Variants in FUT9 observed in about 807,000 individuals in gnomAD.
FUT9 encodes the protein fucosyltransferase 9.
Under a neutral mutation model 29.7 loss-of-function variants are expected in FUT9, and 15 were observed. The observed-to-expected ratio is 0.51, with a 90% CI of 0.34 to 0.78. FUT9 has a LOEUF of 0.78. Among genes scored for constraint, FUT9 ranks in the 30% least tolerant of loss-of-function variants. FUT9 has a pLI of 0.01. For synonymous variants in FUT9, 169 were observed against 153.7 expected, an observed-to-expected ratio of 1.10 and a Z score of -0.74; for missense variants, 319 against 425.4, an observed-to-expected ratio of 0.75 and a Z score of 2.20.
At chr6:96,086,381 C>T (rs546234705) in intron 1 of FUT9, among the ~76,000 whole-genome samples, 2 of 152,104 alleles carry the variant, frequency 1.3e-5, no homozygotes, top group African/African-American at 4.8e-5. Flanking sequence ...AGCTTTACAC[C>T]TAGCAGTTAT....
At chr6:96,102,153 A>G (rs1771596875) in intron 1 of FUT9, among the ~76,000 whole-genome samples, 1 of 152,118 alleles carries the variant, frequency 6.6e-6, no homozygotes, top group African/African-American at 2.4e-5. Flanking sequence ...GGAAGTAGGT[A>G]ACAATGTTAT....
rs1773446690 is a variant in FUT9, at chr6:96,188,632, A to AT, written c.-8-14516_-8-14515insT. Among the ~76,000 whole-genome samples, 4 of 149,024 alleles carry AT rather than the reference A, an allele frequency of 2.7e-5. No homozygotes were observed. The South Asian group carries it at 8.4e-4, about 31-fold the overall frequency. On this transcript the variant is annotated intron_variant, in intron 2 of 2. Coordinates refer to ENST00000302103, the MANE Select transcript of FUT9 (RefSeq NM_006581.4). ...GAACCATGCTTGGCATATAGAAAGA[A>AT]ATATATATATATGTGTGTGTGTGTG...
chr6:96,124,153 C>CTTTT (rs35122970), intron 2 of FUT9, among the ~76,000 whole-genome samples: 14 of 125,034 alleles, frequency 1.1e-4, no homozygotes, highest in Admixed American at 4.2e-4. Context: ...TTTCTTTTTT[C>CTTTT]TTTTTTTTTT....
chr6:96,175,653 G>GA (rs1773190249), intron 2 of FUT9, among the ~76,000 whole-genome samples: 2 of 152,154 alleles, frequency 1.3e-5, no homozygotes, highest in African/African-American at 2.4e-5. Context: ...CAAATATTAT[G>GA]AAAAAATAAG....
intron 1 of FUT9, among the ~76,000 whole-genome samples, chr6:96,111,663 T>G (rs1392962365): frequency 1.3e-5 from 2 of 152,130 alleles, no homozygotes; most frequent in African/African-American, 4.8e-5. Flanking sequence ...TAGAAATAAT[T>G]CTAAATCCTT....
intron 2 of FUT9, among the ~76,000 whole-genome samples, chr6:96,170,137 A>C (rs1773084584): frequency 6.6e-6 from 1 of 152,200 alleles, no homozygotes; most frequent in African/African-American, 2.4e-5. Flanking sequence ...CAGCATAACA[A>C]GAAGCTCAAT....
intron 1 of FUT9, among the ~76,000 whole-genome samples, chr6:96,046,539 CA>C (rs1770566702): frequency 6.6e-6 from 1 of 152,162 alleles, no homozygotes; most frequent in African/African-American, 2.4e-5. Context: ...GCCATTGCTT[CA>C]AAGAAGCTTG....
intron 2 of FUT9, among the ~76,000 whole-genome samples, chr6:96,169,996 C>T (rs1773082429): frequency 1.3e-5 from 2 of 151,914 alleles, no homozygotes; most frequent in African/African-American, 4.8e-5. Flanking sequence ...TAAAACCAAC[C>T]CTGAAAACAA....
At chr6:96,078,702 G>A (rs1269721406) in intron 1 of FUT9, among the ~76,000 whole-genome samples, 1 of 151,974 alleles carries the variant, frequency 6.6e-6, no homozygotes, top group East Asian at 1.9e-4. Context: ...TTACAGGCCT[G>A]AGCCACCGCA....
At chr6:96,034,207 C>T (rs1203610992) in intron 1 of FUT9, among the ~76,000 whole-genome samples, 1 of 151,542 alleles carries the variant, frequency 6.6e-6, no homozygotes, top group Non-Finnish European at 1.5e-5. Context: ...GGCACAGAAG[C>T]AGAGGCAACC....
intron 2 of FUT9, among the ~76,000 whole-genome samples, chr6:96,141,339 GCATTC>G (rs1384267667): frequency 6.6e-6 from 1 of 152,104 alleles, no homozygotes; most frequent in African/African-American, 2.4e-5. Flanking sequence ...TAAAGAAAAA[GCATTC>G]CACAATCAAA....
intron 1 of FUT9, among the ~76,000 whole-genome samples, chr6:96,047,876 T>C (rs996149517): frequency 1.3e-5 from 2 of 152,168 alleles, no homozygotes; most frequent in Non-Finnish European, 2.9e-5. Context: ...GCCAGAAACT[T>C]GGTAGCTTAA....
chr6:96,092,545 ACTT>A (rs1410922664), intron 1 of FUT9, among the ~76,000 whole-genome samples: 2 of 152,064 alleles, frequency 1.3e-5, no homozygotes, highest in Non-Finnish European at 2.9e-5. Context: ...CAAATATTAT[ACTT>A]CTTCTAGCTG....
chr6:96,047,023 G>C (rs1770575707), intron 1 of FUT9, among the ~76,000 whole-genome samples: 1 of 152,242 alleles, frequency 6.6e-6, no homozygotes, highest in African/African-American at 2.4e-5. Flanking sequence ...TTTCTACCAT[G>C]CTTAAATGGC....
chr6:96,157,079 T>C (rs571426512), intron 2 of FUT9, among the ~76,000 whole-genome samples: 5 of 152,352 alleles, frequency 3.3e-5, no homozygotes, highest in African/African-American at 1.2e-4. Flanking sequence ...CCCAAAGGAA[T>C]TGAGTTAACT....
At chr6:96,166,683 T>G (rs1773021476) in intron 2 of FUT9, among the ~76,000 whole-genome samples, 1 of 152,142 alleles carries the variant, frequency 6.6e-6, no homozygotes, top group African/African-American at 2.4e-5. Context: ...TCGCACTACA[T>G]AGTTGCCCCT....
intron 1 of FUT9, among the ~76,000 whole-genome samples, chr6:96,042,127 C>T (rs1770472407): frequency 6.6e-6 from 1 of 152,178 alleles, no homozygotes; most frequent in Non-Finnish European, 1.5e-5. Context: ...CTGGTCAGGT[C>T]AGTGAGAACT....
chr6:96,057,570 A>AT (rs1229091889), intron 1 of FUT9, among the ~76,000 whole-genome samples: 1 of 152,038 alleles, frequency 6.6e-6, no homozygotes, highest in Admixed American at 6.6e-5. Flanking sequence ...TTATAAACTT[A>AT]TTTTTTTTAA....
At chr6:96,098,422 C>T (rs1175771619) in intron 1 of FUT9, among the ~76,000 whole-genome samples, 1 of 152,118 alleles carries the variant, frequency 6.6e-6, no homozygotes, top group Non-Finnish European at 1.5e-5. Flanking sequence ...TTTCATTTAG[C>T]TAAAACTCTA....
Sources: gnomAD v4.1 joint callset for allele counts (sites outside exome capture counted in the v4.1 genomes callset) on GRCh38, gnomAD v4.1.1 for gene constraint, MANE v1.5 for transcripts, NCBI Gene and HGNC (gene_info 2026-07-23, HGNC 2026-07-21) for gene names.